DCDC1: variants seen among roughly 807,000 people sequenced by gnomAD.
DCDC1 encodes the protein doublecortin domain containing 1.
DCDC1 carries 200 observed loss-of-function variants against 178.3 expected under a neutral mutation model. The ratio of observed to expected loss-of-function variants is 1.12; its 90% CI spans 1.00 to 1.26. The LOEUF (loss-of-function observed/expected upper bound fraction) is 1.26. DCDC1 is among the 50% of genes most tolerant of loss of function. DCDC1 has a pLI of 0.00. For synonymous variants in DCDC1, 690 were observed against 604.8 expected, an observed-to-expected ratio of 1.14 and a Z score of -2.07; for missense variants, 1,983 against 1,749.2, an observed-to-expected ratio of 1.13 and a Z score of -2.38.
At chr11:31,329,166 C>T (rs549496820) in intron 2 of DCDC1, among the ~76,000 whole-genome samples, 41 of 152,072 alleles carry the variant, frequency 2.7e-4, no homozygotes, top group African/African-American at 9.4e-4. Flanking sequence ...GGGCTCTATT[C>T]TCCTGGATTG....
At chr11:31,213,509 C>A (rs1449228573) in intron 9 of DCDC1, among the ~76,000 whole-genome samples, 3 of 151,898 alleles carry the variant, frequency 2.0e-5, no homozygotes, top group Non-Finnish European at 2.9e-5. Context: ...ATCACAAGGT[C>A]AGGAGTTTGA....
intron 6 of DCDC1, among the ~76,000 whole-genome samples, chr11:31,305,334 AT>A (rs1030025177): frequency 1.2e-4 from 18 of 152,280 alleles, no homozygotes; most frequent in African/African-American, 4.3e-4. Flanking sequence ...ATAATCTCTG[AT>A]TTAATTTATT....
At chr11:31,314,135 T>C (rs1235217914) in intron 3 of DCDC1, among the ~76,000 whole-genome samples, 1 of 152,202 alleles carries the variant, frequency 6.6e-6, no homozygotes, top group Non-Finnish European at 1.5e-5. Context: ...CTATATCTCA[T>C]TGGTTATTTC....
At chr11:31,170,704 C>T (rs1405041423) in intron 9 of DCDC1, among the ~76,000 whole-genome samples, 2 of 152,150 alleles carry the variant, frequency 1.3e-5, no homozygotes, top group Non-Finnish European at 2.9e-5. Context: ...GCAAATGGTC[C>T]TCAGCATCAA....
At chr11:31,067,755 G>A (rs1269083348) in intron 18 of DCDC1, among the ~76,000 whole-genome samples, 1 of 152,040 alleles carries the variant, frequency 6.6e-6, no homozygotes, top group African/African-American at 2.4e-5. Flanking sequence ...AATTAACTCA[G>A]AAAACATTAT....
At chr11:30,911,235 G>A (rs893445684) in intron 28 of DCDC1, 92 bp downstream of exon 28, 9 of 805,056 alleles carry the variant, frequency 1.1e-5, no homozygotes, top group Non-Finnish European at 1.7e-5. Context: ...TTCTATGACA[G>A]TTTTTTTTTT....
chr11:30,931,658 G>T, intron 22 of DCDC1, 113 bp downstream of exon 22: 2 of 1,048,912 alleles, frequency 1.9e-6, no homozygotes, highest in Non-Finnish European at 2.6e-6. Context: ...GAATATGGGA[G>T]CCCTTTTGCT....
Position 31,307,850 on chromosome 11 carries a change from A to G in DCDC1, c.223T>C (p.Ser75Pro), listed in dbSNP as rs780415428. The G allele has an allele frequency of 5.6e-6, 9 of 1,614,142 alleles. No individual in the cohort carries two copies. The South Asian group carries it at 8.8e-5, about 16-fold the overall frequency. Residue 75 changes from serine (S) to proline (P), a missense_variant, in exon 4 of 39, where the codon TCT (serine) becomes CCT (proline). By Grantham distance (74) the Ser-to-Pro change is moderately conservative (BLOSUM62 -1). Coordinates refer to ENST00000684477, the MANE Select transcript of DCDC1 (RefSeq NM_001387274.1). Reference protein sequence around the residue: ...VIKTTDDYLQSQFGPNRLVHS... With the variant: ...VIKTTDDYLQPQFGPNRLVHS... ...ACGAGTCTGTTGGGGCCAAACTGAG[A>G]CTGCAAATAATCATCAGTAGTTTTA... is the stretch of plus-strand genomic sequence containing the variant.
At chr11:30,887,083 A>G (rs78213038) in intron 36 of DCDC1, among the ~76,000 whole-genome samples, 2,648 of 151,778 alleles carry the variant, frequency 0.017, 81 homozygotes, top group African/African-American at 0.061. Context: ...TAAATTTAGG[A>G]AAAAAAAATT....
intron 1 of DCDC1, among the ~76,000 whole-genome samples, chr11:31,354,924 C>T (rs1951255918): frequency 6.6e-6 from 1 of 151,782 alleles, no homozygotes; most frequent in African/African-American, 2.4e-5. Flanking sequence ...TATTTTTTTT[C>T]CCTCAACTTT....
At chr11:30,878,486 A>G in intron 38 of DCDC1, 58 bp downstream of exon 38, 2 of 1,363,690 alleles carry the variant, frequency 1.5e-6, no homozygotes, top group East Asian at 2.7e-5. Flanking sequence ...GCATGAAAAT[A>G]AAAGAGATAA....
At chr11:31,129,018 G>A (rs1211109187) in intron 10 of DCDC1, among the ~76,000 whole-genome samples, 1 of 151,940 alleles carries the variant, frequency 6.6e-6, no homozygotes, top group African/African-American at 2.4e-5. Flanking sequence ...AGTCTTCCCT[G>A]TACTTACATC....
At chr11:30,974,416 T>G (rs1485624373) in intron 20 of DCDC1, among the ~76,000 whole-genome samples, 1 of 151,042 alleles carries the variant, frequency 6.6e-6, no homozygotes, top group Admixed American at 6.6e-5. Context: ...TAAAGGATAA[T>G]AAGAAGGATC....
intron 28 of DCDC1, among the ~76,000 whole-genome samples, chr11:30,911,125 C>A (rs1945417455): frequency 1.3e-5 from 2 of 152,126 alleles, no homozygotes; most frequent in African/African-American, 4.8e-5. Flanking sequence ...AGCCCACAAT[C>A]ACCATCTGTT....
chr11:31,152,867 A>G, intron 9 of DCDC1, among the ~76,000 whole-genome samples: 1 of 152,166 alleles, frequency 6.6e-6, no homozygotes, highest in East Asian at 1.9e-4. Context: ...TTAGTTCAGG[A>G]ATGAGCAAAA....
At chr11:30,908,041 T>C (rs1460689812) in intron 29 of DCDC1, among the ~76,000 whole-genome samples, 1 of 152,162 alleles carries the variant, frequency 6.6e-6, no homozygotes, top group Non-Finnish European at 1.5e-5. Context: ...AAATTGACCC[T>C]TTTGAAACAA....
At position 31,172,932 on chromosome 11, in the gene DCDC1, TAC is replaced by T. The variant is rs1243726088; in HGVS notation, c.1222-35150_1222-35149del. Among the ~76,000 whole-genome samples the T allele has an allele frequency of 2.6e-5, 4 of 152,132 alleles. No individual in the cohort carries two copies. In the East Asian group the frequency reaches 7.7e-4, roughly 29 times the overall value. ...TATAAGAAGGACTCTCCTAGTTACA[TAC>T]TCTAAGAACAAAAGTGATAAAATTC... On this transcript the variant is annotated intron_variant, in intron 9 of 38. Coordinates refer to ENST00000684477, the MANE Select transcript of DCDC1 (RefSeq NM_001387274.1).
At position 31,065,236 on chromosome 11, in the gene DCDC1, T is replaced by C. The variant is rs1432303437; in HGVS notation, c.2299-83A>G. On this transcript the variant is annotated intron_variant, in intron 18 of 38. Transcript: ENST00000684477. ...CCATCCAACTGGAAAGAGAGGAGGA[T>C]AAATTACATTAATAGTAAAAAGGTC... is the stretch of plus-strand genomic sequence containing the variant. 6 of 558,290 alleles carry C rather than the reference T, an allele frequency of 1.1e-5. No individual in the cohort carries two copies. The East Asian group carries it at 1.4e-4, about 13-fold the overall frequency. 34.6% of individuals were successfully genotyped at this position (558,290 alleles called of 1,614,324 possible). A position where few individuals can be genotyped will look rare whatever the true frequency, so the allele number is the denominator to read the frequency against.
chr11:30,981,068 C>G (rs985255460), intron 20 of DCDC1, among the ~76,000 whole-genome samples: 1 of 152,054 alleles, frequency 6.6e-6, no homozygotes, highest in Admixed American at 6.6e-5. Context: ...GGTCATTAAC[C>G]TAAGTGAAAT....
Sources: gnomAD v4.1 joint callset for allele counts (sites outside exome capture counted in the v4.1 genomes callset) on GRCh38, gnomAD v4.1.1 for gene constraint, MANE v1.5 for transcripts, NCBI Gene and HGNC (gene_info 2026-07-23, HGNC 2026-07-21) for gene names.